The following MAP7D2 variants were observed in gnomAD, a reference collection of about 807,000 sequenced individuals.
MAP7D2 encodes the protein MAP7 domain containing 2.
A neutral mutation model predicts 63.5 loss-of-function variants in MAP7D2; 33 were observed. The ratio of observed to expected loss-of-function variants is 0.52; its 90% confidence interval spans 0.39 to 0.70. MAP7D2 has a LOEUF of 0.70. MAP7D2 is among the 30% of genes least tolerant of loss of function. The pLI is 0.00. For missense variants in MAP7D2, 626 were observed against 604.0 expected, an observed-to-expected ratio of 1.04 and a Z score of -0.38; for synonymous variants, 224 against 223.7, an observed-to-expected ratio of 1.00 and a Z score of -0.01.
intron 1 of MAP7D2, among the ~76,000 whole-genome samples, chrX:20,083,676 C>T (rs1358735333): frequency 8.9e-6 from 1 of 111,760 alleles, no homozygotes; most frequent in Non-Finnish European, 1.9e-5. Context: ...TATAGCTGAC[C>T]GAAAACTAGT....
chrX:20,060,432 GAGAAAGAAAGAAAGAA>G (rs59420678), intron 3 of MAP7D2, among the ~76,000 whole-genome samples: 5,106 of 69,178 alleles, frequency 0.074, 186 homozygotes, highest in Non-Finnish European at 0.097. Context: ...GAGAGAGAGA[GAGAAAGAAAGAAAGAA>G]AGAAAGAAAG....
At chrX:20,050,199 T>C (rs1183241539) in intron 6 of MAP7D2, among the ~76,000 whole-genome samples, 1 of 111,445 alleles carries the variant, frequency 9.0e-6, no homozygotes, top group African/African-American at 3.3e-5. Context: ...AGGGCTTTGA[T>C]GGTCTGGTCC....
chrX:20,028,658 G>A (rs780464981), intron 8 of MAP7D2, among the ~76,000 whole-genome samples: 1 of 111,850 alleles, frequency 8.9e-6, no homozygotes, highest in East Asian at 2.8e-4. Flanking sequence ...GGCGCCCACA[G>A]TAGAGCTGTA....
chrX:20,098,395 A>T (rs778816798), intron 1 of MAP7D2, among the ~76,000 whole-genome samples: 2 of 112,367 alleles, frequency 1.8e-5, no homozygotes, highest in African/African-American at 6.5e-5. Flanking sequence ...GAGAAGAGAG[A>T]CACCAATGTC....
chrX:20,095,330 G>C (rs2066228670), intron 1 of MAP7D2, among the ~76,000 whole-genome samples: 1 of 111,399 alleles, frequency 9.0e-6, no homozygotes, highest in Non-Finnish European at 1.9e-5. Context: ...TTTGAGGCCA[G>C]GAATTCGAGA....
At position 20,063,374 on chromosome X, in the gene MAP7D2, A is replaced by G. The variant is rs1449817335; in HGVS notation, c.372+40T>C. 3.4e-6 allele frequency: 4 copies of G among 1,191,606 alleles called. No individual in the cohort carries two copies. In the African/African-American group the frequency reaches 7.1e-5, roughly 21 times the overall value. The stretch of plus-strand genomic sequence containing the variant: ...CCCAGGCACTCTGAGCAGCCTGCTG[A>G]GGGGGCTGGAAGGTGGCGGAGGGTG... On this transcript the variant is annotated intron_variant, in intron 3 of 16. Transcript: ENST00000379643.
chrX:20,067,038 G>A (rs2065379109), intron 1 of MAP7D2, among the ~76,000 whole-genome samples: 1 of 112,416 alleles, frequency 8.9e-6, no homozygotes, highest in African/African-American at 3.2e-5. Context: ...TACCTCAAGA[G>A]TCTGATTAAT....
chrX:20,099,990 T>C (rs947973933), intron 1 of MAP7D2, among the ~76,000 whole-genome samples: 2 of 111,489 alleles, frequency 1.8e-5, no homozygotes, highest in Non-Finnish European at 3.8e-5. Flanking sequence ...GAAATCCTAC[T>C]TCCCTCAGAT....
chrX:20,054,888 C>T (rs2065034975), intron 4 of MAP7D2, among the ~76,000 whole-genome samples: 1 of 112,202 alleles, frequency 8.9e-6, no homozygotes, highest in Admixed American at 9.4e-5. Context: ...AGCCCCCCTG[C>T]ACCTTTCTTA....
intron 6 of MAP7D2, among the ~76,000 whole-genome samples, chrX:20,049,270 ATTTTT>A (rs60182799): frequency 1.2e-5 from 1 of 81,775 alleles, no homozygotes. Context: ...ATGTATCTGT[ATTTTT>A]TTTTTTTTTT....
At chrX:20,091,080 C>T (rs2066057198) in intron 1 of MAP7D2, among the ~76,000 whole-genome samples, 1 of 98,119 alleles carries the variant, frequency 1.0e-5, no homozygotes, top group Admixed American at 1.1e-4. Flanking sequence ...GAAATGGAGT[C>T]TTGCTCTTGT....
rs767675798 is a variant in MAP7D2 at position 20,116,858 on chromosome X, A to AGCCGCC, written c.16_21dup (p.Gly6_Gly7dup). On this transcript the variant is annotated inframe_insertion, in exon 1 of 17. Transcript: ENST00000379643. ...CCCTCAGGCCGGGATCCCGTCCCGGAGCCGCCGCCGCCGCGCTCCATCGGG... is the reference window on the plus strand; with the variant it reads ...CCCTCAGGCCGGGATCCCGTCCCGGAGCCGCCGCCGCCGCCGCCGCGCTCCATCGGG... 8.7e-7 allele frequency: 1 copy of AGCCGCC among 1,143,473 alleles called. No individual in the cohort carries two copies. The highest frequency in any genetic ancestry group is 1.2e-6 in the Non-Finnish European group (1 of 863,405). The allele number at this position is 1,143,473 out of a possible 1,213,427, so 94.2% of individuals were successfully genotyped here. A position where few individuals can be genotyped will look rare whatever the true frequency, so the allele number is the denominator to read the frequency against.
At position 20,016,219 on chromosome X, in the gene MAP7D2, T is replaced by C. The variant is rs1260575649; in HGVS notation, c.1519A>G (p.Lys507Glu). The change falls in exon 11 of 17, where the codon AAA becomes GAA. Residue 507 changes from lysine (K) to glutamate (E), a missense_variant. Coordinates refer to ENST00000379643, the MANE Select transcript of MAP7D2 (RefSeq NM_001168465.2). ...CTTTTCTCTTCCCCTTCCTGTTTTTTCTTTTCCTCTTCCTGCCGCTTCCTT... is the reference window on the plus strand; with the variant it reads ...CTTTTCTCTTCCCCTTCCTGTTTTTCCTTTTCCTCTTCCTGCCGCTTCCTT... ...EERKRQEEEK[K>E]KQEGEEKRKA... 1 of 1,201,034 alleles carries C rather than the reference T, an allele frequency of 8.3e-7. No homozygotes were observed. The highest frequency in any genetic ancestry group is 3.0e-5 in the East Asian group (1 of 33,430).
intron 1 of MAP7D2, among the ~76,000 whole-genome samples, chrX:20,096,363 G>C (rs1327079730): frequency 1.1e-5 from 1 of 92,753 alleles, no homozygotes; most frequent in African/African-American, 4.0e-5. Flanking sequence ...TCAGGAGTTC[G>C]AGGTTGCAGT....
intron 1 of MAP7D2, among the ~76,000 whole-genome samples, chrX:20,099,075 A>C (rs779102307): frequency 4.4e-5 from 5 of 112,583 alleles, no homozygotes; most frequent in Non-Finnish European, 7.5e-5. Flanking sequence ...ATTTTTAAAC[A>C]GGGACCAATA....
At chrX:20,072,641 C>T (rs1194946415) in intron 1 of MAP7D2, among the ~76,000 whole-genome samples, 1 of 111,387 alleles carries the variant, frequency 9.0e-6, no homozygotes, top group Non-Finnish European at 1.9e-5. Flanking sequence ...GGTGGATCTT[C>T]CCCCACCTAG....
At chrX:20,102,421 C>G (rs2066458269) in intron 1 of MAP7D2, among the ~76,000 whole-genome samples, 1 of 110,511 alleles carries the variant, frequency 9.0e-6, no homozygotes, top group African/African-American at 3.3e-5. Flanking sequence ...TGTACACAAG[C>G]AGTCACGTGC....
intron 1 of MAP7D2, among the ~76,000 whole-genome samples, chrX:20,074,018 C>T (rs1443167602): frequency 9.3e-6 from 1 of 107,413 alleles, no homozygotes; most frequent in Admixed American, 9.8e-5. Context: ...GCCTGTAATC[C>T]CAGCTACTTG....
intron 1 of MAP7D2, among the ~76,000 whole-genome samples, chrX:20,065,161 G>T (rs977810220): frequency 1.8e-5 from 2 of 111,765 alleles, no homozygotes; most frequent in African/African-American, 3.3e-5. Context: ...GCCTCGTCTA[G>T]TCAGGCTCCC....
Sources: allele counts gnomAD v4.1 joint callset (sites outside exome capture counted in the v4.1 genomes callset), GRCh38; gene constraint gnomAD v4.1.1; transcripts MANE v1.5; gene names NCBI Gene and HGNC (gene_info 2026-07-23, HGNC 2026-07-21).